Variants in WLS observed in about 807,000 individuals in gnomAD.
WLS encodes the protein protein wntless homolog.
A neutral mutation model predicts 62.8 loss-of-function variants in WLS; 23 were observed. The ratio of observed to expected loss-of-function variants is 0.37; its 90% CI spans 0.26 to 0.52. The LOEUF (loss-of-function observed/expected upper bound fraction) is 0.52. Among genes scored for constraint, WLS ranks in the 20% least tolerant of loss-of-function variants. WLS has a pLI of 0.92. For synonymous variants in WLS, 246 were observed against 244.1 expected, an observed-to-expected ratio of 1.01 and a Z score of -0.07; for missense variants, 615 against 697.3, an observed-to-expected ratio of 0.88 and a Z score of 1.33.
chr1:68,216,920 A>C (rs1050964514), intron 1 of WLS, among the ~76,000 whole-genome samples: 4 of 152,174 alleles, frequency 2.6e-5, no homozygotes, highest in Non-Finnish European at 4.4e-5. Context: ...GAAAAAGACA[A>C]AGTTCTTTGT....
At chr1:68,218,654 C>G (rs774187756) in intron 1 of WLS, among the ~76,000 whole-genome samples, 1 of 152,198 alleles carries the variant, frequency 6.6e-6, no homozygotes, top group Non-Finnish European at 1.5e-5. Flanking sequence ...GTTCCCGCCT[C>G]GCACCTCTGC....
chr1:68,155,785 A>G (rs1646889094), intron 3 of WLS, among the ~76,000 whole-genome samples: 1 of 151,998 alleles, frequency 6.6e-6, no homozygotes, highest in Non-Finnish European at 1.5e-5. Context: ...TCTTCTTTTT[A>G]TTCACTTGCC....
intron 1 of WLS, among the ~76,000 whole-genome samples, chr1:68,223,900 C>G (rs1650037639): frequency 6.6e-6 from 1 of 152,202 alleles, no homozygotes; most frequent in African/African-American, 2.4e-5. Flanking sequence ...CAGCAGTTAA[C>G]TGGCCTCCAA....
chr1:68,210,502 T>A (rs756170292), intron 1 of WLS, among the ~76,000 whole-genome samples: 1 of 152,186 alleles, frequency 6.6e-6, no homozygotes. Context: ...ACCATCGTAA[T>A]GTTCCAACTG....
intron 2 of WLS, among the ~76,000 whole-genome samples, chr1:68,165,176 C>G (rs900045894): frequency 2.6e-5 from 4 of 152,194 alleles, no homozygotes; most frequent in African/African-American, 9.6e-5. Flanking sequence ...GTCATCAGCT[C>G]ACACACAGGT....
Position 68,113,015 on chromosome 1 carries a change from A to G in WLS, c.1511-14262T>C, listed in dbSNP as rs564704516. Among the ~76,000 whole-genome samples, 58 of 152,254 alleles carry G rather than the reference A, an allele frequency of 3.8e-4. No homozygotes were observed. In the South Asian group the frequency reaches 0.011, roughly 29 times the overall value. ...TAGCTGCCCACGAACTTGGCTTGGAACGCCTTGGCCCCATCTTAAAGAAAG... is the reference window on the plus strand; with the variant it reads ...TAGCTGCCCACGAACTTGGCTTGGAGCGCCTTGGCCCCATCTTAAAGAAAG... On this transcript the variant is annotated intron_variant, in intron 11 of 11. Transcript: ENST00000354777.
At position 68,159,128 on chromosome 1, in the gene WLS, G is replaced by A. The variant is rs1421452975; in HGVS notation, c.499C>T (p.Pro167Ser). Residue 167 changes from proline to serine, a missense_variant, in exon 3 of 12, where the codon CCC (proline) becomes TCC (serine). Pro to Ser is a moderately conservative substitution (Grantham distance 74). Coordinates refer to ENST00000262348, the MANE Select transcript of WLS (RefSeq NM_024911.7). ...TAGACAGCAAGGGGTCATACCTTGG[G>A]AGATGTGAAGGTGCATTTGAGTTTC... ...PRKLKCTFTS[P>S]KTPEHEGRYY... The A allele has an allele frequency of 1.2e-6, 2 of 1,613,884 alleles. No homozygotes were observed. The highest frequency in any genetic ancestry group is 2.7e-5 in the African/African-American group (2 of 74,908).
At chr1:68,106,036 G>T (rs76913529) in intron 11 of WLS, among the ~76,000 whole-genome samples, 2,194 of 152,070 alleles carry the variant, frequency 0.014, 52 homozygotes, top group African/African-American at 0.05. Flanking sequence ...CAATCAAAGT[G>T]TTAATATGAA....
chr1:68,145,814 A>T (rs1251921139), intron 9 of WLS, 55 bp downstream of exon 9: 5 of 1,606,310 alleles, frequency 3.1e-6, no homozygotes, highest in Non-Finnish European at 4.3e-6. Flanking sequence ...TTTACACATC[A>T]AGTGGAAAGA....
intron 1 of WLS, among the ~76,000 whole-genome samples, chr1:68,199,031 C>T (rs1648840116): frequency 6.6e-6 from 1 of 151,442 alleles, no homozygotes; most frequent in Non-Finnish European, 1.5e-5. Context: ...AATCATTAGC[C>T]CCTATTCCTT....
chr1:68,103,962 C>T (rs1057032197), intron 11 of WLS, among the ~76,000 whole-genome samples: 5 of 152,120 alleles, frequency 3.3e-5, no homozygotes, highest in African/African-American at 9.7e-5. Context: ...GGCTGTCTGG[C>T]GGAGCTCACA....
chr1:68,214,410 G>A (rs541694341), intron 1 of WLS, among the ~76,000 whole-genome samples: 1 of 151,900 alleles, frequency 6.6e-6, no homozygotes, highest in South Asian at 2.1e-4. Flanking sequence ...TGTCACCCAG[G>A]CTGGAGTGCA....
At chr1:68,186,807 T>C (rs1414191061) in intron 2 of WLS, among the ~76,000 whole-genome samples, 1 of 151,856 alleles carries the variant, frequency 6.6e-6, no homozygotes, top group Non-Finnish European at 1.5e-5. Context: ...TAACATAATA[T>C]ATATAATCTG....
chr1:68,213,309 G>A lies in WLS; in HGVS notation c.106+18885C>T, dbSNP rs958959659. Among the ~76,000 whole-genome samples, 5 of 152,122 alleles carry A rather than the reference G, an allele frequency of 3.3e-5. No individual in the cohort carries two copies. In the East Asian group the frequency reaches 7.7e-4, roughly 24 times the overall value. ...CTACTAAATATACAAAAATTAGCCA[G>A]GCATGGTGGTAGGCGCCTGTAATCC... On this transcript the variant is annotated intron_variant, in intron 1 of 11. Transcript: ENST00000262348.
intron 2 of WLS, among the ~76,000 whole-genome samples, chr1:68,175,955 T>C (rs1647241087): frequency 6.6e-6 from 1 of 152,210 alleles, no homozygotes; most frequent in South Asian, 2.1e-4. Context: ...TCCCGTCTGT[T>C]TCACAGGAAA....
At chr1:68,113,112 T>TC (rs1416796005) in intron 11 of WLS, among the ~76,000 whole-genome samples, 9 of 152,170 alleles carry the variant, frequency 5.9e-5, no homozygotes, top group African/African-American at 2.2e-4. Context: ...GCCTTCTCTC[T>TC]CCATCTGTCA....
chr1:68,209,385 T>A (rs182049925), intron 1 of WLS, among the ~76,000 whole-genome samples: 253 of 152,358 alleles, frequency 1.7e-3, no homozygotes, highest in Non-Finnish European at 2.7e-3. Context: ...TGCATCAGGC[T>A]GTCATTTAGA....
intron 11 of WLS, among the ~76,000 whole-genome samples, chr1:68,108,832 C>G (rs1646182214): frequency 6.6e-6 from 1 of 152,000 alleles, no homozygotes; most frequent in Non-Finnish European, 1.5e-5. Context: ...AAAATTGGCA[C>G]ACTAAAGATA....
chr1:68,100,526 C>T (rs986740230), intron 11 of WLS, among the ~76,000 whole-genome samples: 3 of 152,126 alleles, frequency 2.0e-5, no homozygotes, highest in African/African-American at 7.2e-5. Flanking sequence ...AAATCTTCAA[C>T]TTTGAGGAAG....
Sources: gnomAD v4.1 joint callset for allele counts (sites outside exome capture counted in the v4.1 genomes callset) on GRCh38, gnomAD v4.1.1 for gene constraint, MANE v1.5 for transcripts, NCBI Gene and HGNC (gene_info 2026-07-23, HGNC 2026-07-21) for gene names.